TRABD2B: variants seen among roughly 807,000 people sequenced by gnomAD.
TRABD2B encodes the protein TraB domain containing 2B, also known as metalloprotease TIKI2.
Under a neutral mutation model 40.1 loss-of-function variants are expected in TRABD2B, and 14 were observed. That is an observed-to-expected ratio of 0.35 (90% CI 0.23 to 0.55). The LOEUF (loss-of-function observed/expected upper bound fraction) is 0.55. Among genes scored for constraint, TRABD2B ranks in the 20% least tolerant of loss-of-function variants. The pLI is 0.90. For synonymous variants in TRABD2B, 263 were observed against 277.0 expected (o/e 0.95, Z 0.50); for missense variants, 541 against 648.6 (o/e 0.83, Z 1.80).
At chr1:47,930,512 C>G (rs1406828432) in intron 2 of TRABD2B, among the ~76,000 whole-genome samples, 2 of 152,302 alleles carry the variant, frequency 1.3e-5, no homozygotes, top group South Asian at 4.1e-4. Context: ...ACCAGGCCTG[C>G]TCTGCCTGCC....
intron 6 of TRABD2B, among the ~76,000 whole-genome samples, chr1:47,772,467 T>C (rs1471927983): frequency 6.6e-6 from 1 of 151,506 alleles, no homozygotes; most frequent in Non-Finnish European, 1.5e-5. Context: ...GCATCTGGGC[T>C]GAGCAGCGGC....
At chr1:47,957,853 A>T (rs1268888236) in intron 2 of TRABD2B, among the ~76,000 whole-genome samples, 2 of 152,226 alleles carry the variant, frequency 1.3e-5, no homozygotes, top group Non-Finnish European at 2.9e-5. Context: ...CAGTAAATAC[A>T]GAGACCACCA....
chr1:47,960,570 AACAG>A lies in TRABD2B; in HGVS notation c.666+33460_666+33463del, dbSNP rs369219839. ...ATCACAAGCATTCCTATACACCAAT[AACAG>A]ACAGAGAGCCAAATCATGAGTCAAC... On this transcript the variant is annotated intron_variant, in intron 2 of 6. Transcript: ENST00000606738. Among the ~76,000 whole-genome samples, 1,140 of 152,160 alleles carry A rather than the reference AACAG, an allele frequency of 7.5e-3. 21 individuals are homozygous for A. The highest frequency in any genetic ancestry group is 0.026 in the African/African-American group (1,069 of 41,528).
At chr1:47,796,949 C>T (rs923721317) in intron 3 of TRABD2B, among the ~76,000 whole-genome samples, 48 of 152,274 alleles carry the variant, frequency 3.2e-4, no homozygotes, top group South Asian at 6.2e-4. Flanking sequence ...CAGGTTCTAC[C>T]GTTCTTTAGG....
intron 3 of TRABD2B, among the ~76,000 whole-genome samples, chr1:47,799,813 C>T (rs1644796580): frequency 6.6e-6 from 1 of 152,156 alleles, no homozygotes; most frequent in African/African-American, 2.4e-5. Context: ...CTTTCCTTCT[C>T]TCCCCAGTCC....
intron 2 of TRABD2B, among the ~76,000 whole-genome samples, chr1:47,871,949 A>C (rs780597080): frequency 1.3e-5 from 2 of 152,226 alleles, no homozygotes; most frequent in South Asian, 4.1e-4. Context: ...GCGTCAGTGC[A>C]CTGGTGCACT....
intron 6 of TRABD2B, among the ~76,000 whole-genome samples, chr1:47,771,503 A>G (rs1644377525): frequency 6.6e-6 from 1 of 152,010 alleles, no homozygotes; most frequent in Admixed American, 6.6e-5. Context: ...CTGTTTATGA[A>G]ACTCCCCTTC....
Position 47,782,897 on chromosome 1 carries a change from G to A in TRABD2B, c.989-4353C>T, listed in dbSNP as rs113932514. Among the ~76,000 whole-genome samples, 5 of 152,340 alleles carry A rather than the reference G, an allele frequency of 3.3e-5. 1 individual carries two copies. Among genetic ancestry groups the A allele is most frequent in the African/African-American group, 1.2e-4 (5 of 41,580 alleles). On this transcript the variant is annotated intron_variant, in intron 4 of 6. Transcript: ENST00000606738. ...TGCAAGGCTTGCCCAGGCTCCCCAG[G>A]TCTCCTGGCCACGGCTCAGCAGCCC...
In TRABD2B at chr1:47,948,296, A is replaced by T. The variant is rs1469655423; in HGVS notation, c.666+45738T>A. On this transcript the variant is annotated intron_variant, in intron 2 of 6. Transcript: ENST00000606738. ...TTTAGGGGGAGCAGACAGACCAGCTAAAGGCCAATAAGCAAAATGGCTTTG... is the reference window on the plus strand; with the variant it reads ...TTTAGGGGGAGCAGACAGACCAGCTTAAGGCCAATAAGCAAAATGGCTTTG... Among the ~76,000 whole-genome samples, 3 of 152,168 alleles carry T rather than the reference A, an allele frequency of 2.0e-5. No individual in the cohort carries two copies. The East Asian group carries it at 5.8e-4, about 29-fold the overall frequency.
At chr1:47,871,264 C>T (rs1644136864) in intron 2 of TRABD2B, among the ~76,000 whole-genome samples, 1 of 152,084 alleles carries the variant, frequency 6.6e-6, no homozygotes, top group Admixed American at 6.6e-5. Flanking sequence ...CTTGGGTGAA[C>T]TGCAAAGGAC....
intron 2 of TRABD2B, among the ~76,000 whole-genome samples, chr1:47,880,566 G>T (rs575741347): frequency 2.0e-5 from 3 of 152,286 alleles, no homozygotes; most frequent in African/African-American, 7.2e-5. Flanking sequence ...AACAGAGTGG[G>T]GAGTCGCTAG....
At position 47,880,810 on chromosome 1, in the gene TRABD2B, C is replaced by A. The variant is rs529101377; in HGVS notation, c.667-79191G>T. Among the ~76,000 whole-genome samples, 15 of 152,320 alleles carry A rather than the reference C, an allele frequency of 9.8e-5. No individual in the cohort carries two copies. The East Asian group carries it at 1.5e-3, about 16-fold the overall frequency. ...TCTCACAATAAGATATGAGGGCCAA[C>A]CTGAACTTTCTCAGTAATAAAGGTT... is the stretch of plus-strand genomic sequence containing the variant. On this transcript the variant is annotated intron_variant, in intron 2 of 6. Coordinates refer to ENST00000606738, the MANE Select transcript of TRABD2B (RefSeq NM_001194986.2).
In TRABD2B at chr1:47,787,097, G is replaced by A. The variant is rs553818240; in HGVS notation, c.988+7489C>T. ...AGCTCTGAAGGGCTGCCATTCTGAC[G>A]CCACCAAGTGAAGAACCATGATGGG... On this transcript the variant is annotated intron_variant, in intron 4 of 6. Coordinates refer to ENST00000606738, the MANE Select transcript of TRABD2B (RefSeq NM_001194986.2). 9.2e-5 allele frequency among the ~76,000 whole-genome samples: 14 copies of A among 152,268 alleles called. No individual in the cohort carries two copies. The South Asian group carries it at 1.9e-3, about 20-fold the overall frequency.
intron 4 of TRABD2B, among the ~76,000 whole-genome samples, chr1:47,793,101 C>T (rs935558514): frequency 6.6e-6 from 1 of 152,128 alleles, no homozygotes; most frequent in Non-Finnish European, 1.5e-5. Flanking sequence ...AGTCAATGTC[C>T]TGCTCCTGCC....
chr1:47,939,174 A>G (rs80076649), intron 2 of TRABD2B, among the ~76,000 whole-genome samples: 1,679 of 152,018 alleles, frequency 0.011, 18 homozygotes, highest in Non-Finnish European at 0.019. Context: ...ATTAATTAGT[A>G]AGTTCCACTT....
rs545485191 is a variant in TRABD2B, at chr1:47,978,854, C to A, written c.666+15180G>T. Reference sequence around the variant, plus strand: ...ATATTGTGTGAGGATCACGGAATGACCAGCAAACAGAAGCTCTGATCCGTG... The same window carrying A: ...ATATTGTGTGAGGATCACGGAATGAACAGCAAACAGAAGCTCTGATCCGTG... On this transcript the variant is annotated intron_variant, in intron 2 of 6. Transcript: ENST00000606738. 2.6e-5 allele frequency among the ~76,000 whole-genome samples: 4 copies of A among 152,286 alleles called. No individual in the cohort carries two copies. The South Asian group carries it at 6.2e-4, about 24-fold the overall frequency.
chr1:47,966,552 A>G (rs1645606021), intron 2 of TRABD2B, among the ~76,000 whole-genome samples: 2 of 152,208 alleles, frequency 1.3e-5, no homozygotes, highest in Non-Finnish European at 2.9e-5. Flanking sequence ...TGTATACAGT[A>G]GATGTGCAGA....
intron 2 of TRABD2B, among the ~76,000 whole-genome samples, chr1:47,983,946 A>C (rs1352900114): frequency 1.3e-5 from 2 of 152,156 alleles, no homozygotes; most frequent in Non-Finnish European, 2.9e-5. Context: ...CAGCTCAAGA[A>C]AGGGAAACCG....
At chr1:47,805,920 C>A (rs1644885813) in intron 2 of TRABD2B, among the ~76,000 whole-genome samples, 1 of 152,160 alleles carries the variant, frequency 6.6e-6, no homozygotes, top group South Asian at 2.1e-4. Context: ...GGAATGTATC[C>A]TCCTAGTTAA....
Sources: gnomAD v4.1 joint callset for allele counts (sites outside exome capture counted in the v4.1 genomes callset) on GRCh38, gnomAD v4.1.1 for gene constraint, MANE v1.5 for transcripts, NCBI Gene and HGNC (gene_info 2026-07-23, HGNC 2026-07-21) for gene names.